PHACTR1: variants seen among roughly 807,000 people sequenced by gnomAD.
The protein encoded by PHACTR1 is RPEL repeat containing 1.
In PHACTR1, 16 loss-of-function variants were observed where a neutral mutation model predicts 69.2. The ratio of observed to expected loss-of-function variants is 0.23; its 90% CI spans 0.16 to 0.35. PHACTR1 has a LOEUF of 0.35. Among genes scored for constraint, PHACTR1 ranks in the 10% least tolerant of loss-of-function variants. The pLI is 1.00. For synonymous variants in PHACTR1, 312 were observed against 284.5 expected (o/e 1.10, Z -0.97); for missense variants, 510 against 734.7 (o/e 0.69, Z 3.54).
intron 5 of PHACTR1, among the ~76,000 whole-genome samples, chr6:13,106,401 G>C (rs1816139822): frequency 6.6e-6 from 1 of 152,166 alleles, no homozygotes; most frequent in African/African-American, 2.4e-5. Context: ...GCTGTTCTTA[G>C]AGGAGAGTTG....
At chr6:12,874,082 C>T (rs762426419) in intron 4 of PHACTR1, among the ~76,000 whole-genome samples, 2 of 152,220 alleles carry the variant, frequency 1.3e-5, no homozygotes, top group Non-Finnish European at 2.9e-5. Context: ...AATGTGCATA[C>T]AAATCACCTA....
At chr6:12,728,025 G>T (rs1449079492) in intron 3 of PHACTR1, among the ~76,000 whole-genome samples, 1 of 151,998 alleles carries the variant, frequency 6.6e-6, no homozygotes, top group African/African-American at 2.4e-5. Flanking sequence ...GAAAAAAAAT[G>T]AGAGGGCCAG....
chr6:13,055,719 G>A (rs1300656482), intron 5 of PHACTR1, among the ~76,000 whole-genome samples: 1 of 152,230 alleles, frequency 6.6e-6, no homozygotes, highest in African/African-American at 2.4e-5. Flanking sequence ...AAAGCCCTGA[G>A]GCTTCTCACA....
chr6:13,140,308 A>G (rs1822237111), intron 5 of PHACTR1, among the ~76,000 whole-genome samples: 1 of 152,024 alleles, frequency 6.6e-6, no homozygotes, highest in African/African-American at 2.4e-5. Flanking sequence ...AATTGAAAAC[A>G]GTATCTCGGA....
intron 4 of PHACTR1, among the ~76,000 whole-genome samples, chr6:12,829,564 G>C (rs1777183361): frequency 6.6e-6 from 1 of 152,144 alleles, no homozygotes; most frequent in Non-Finnish European, 1.5e-5. Context: ...ACAGTAGAAA[G>C]AGTTTAGTAG....
intron 3 of PHACTR1, among the ~76,000 whole-genome samples, chr6:12,723,775 G>A (rs1053933000): frequency 6.6e-6 from 1 of 151,982 alleles, no homozygotes; most frequent in Admixed American, 6.6e-5. Flanking sequence ...GCCACACCTG[G>A]GAGATTTCAC....
intron 4 of PHACTR1, chr6:12,957,240 A>G: frequency 1.9e-6 from 1 of 517,600 alleles, no homozygotes; most frequent in Non-Finnish European, 2.4e-6. Flanking sequence ...CATGTTAAAA[A>G]GCTCAACAAA....
intron 5 of PHACTR1, among the ~76,000 whole-genome samples, chr6:13,133,469 T>C (rs998845677): frequency 6.6e-6 from 1 of 151,346 alleles, no homozygotes; most frequent in African/African-American, 2.4e-5. Context: ...GGTTTTCGTA[T>C]TTTTTTTGGT....
At chr6:12,901,476 A>G (rs1785180664) in intron 4 of PHACTR1, among the ~76,000 whole-genome samples, 1 of 152,140 alleles carries the variant, frequency 6.6e-6, no homozygotes, top group African/African-American at 2.4e-5. Context: ...CAGAGAAAAT[A>G]AAATGGATTT....
chr6:13,270,358 T>C (rs955783430), intron 10 of PHACTR1, among the ~76,000 whole-genome samples: 1 of 152,024 alleles, frequency 6.6e-6, no homozygotes, highest in Non-Finnish European at 1.5e-5. Flanking sequence ...AATCTTGTGG[T>C]TTAAGAGTTT....
chr6:12,747,217 G>A (rs1198061020), intron 3 of PHACTR1, among the ~76,000 whole-genome samples: 3 of 152,196 alleles, frequency 2.0e-5, no homozygotes, highest in Admixed American at 6.5e-5. Flanking sequence ...CCAAATACTA[G>A]TTAAGGGCAT....
intron 4 of PHACTR1, among the ~76,000 whole-genome samples, chr6:12,873,069 G>A (rs1246363426): frequency 1.2e-4 from 18 of 151,464 alleles, no homozygotes; most frequent in Admixed American, 1.2e-3. Flanking sequence ...GGAGTGCAGT[G>A]TGGCACAGTC....
chr6:13,201,288 C>T (rs1765199213), intron 7 of PHACTR1, among the ~76,000 whole-genome samples: 1 of 152,220 alleles, frequency 6.6e-6, no homozygotes, highest in Non-Finnish European at 1.5e-5. Flanking sequence ...AGCGGGTCTT[C>T]ATTTGCCGCT....
intron 4 of PHACTR1, among the ~76,000 whole-genome samples, chr6:12,986,401 A>G (rs982635809): frequency 1.3e-5 from 2 of 152,224 alleles, no homozygotes; most frequent in South Asian, 4.1e-4. Flanking sequence ...GTTCTAACAT[A>G]AAAGATCTGA....
chr6:13,119,907 A>T lies in PHACTR1; in HGVS notation c.416-40297A>T, dbSNP rs997012552. 4.6e-5 allele frequency among the ~76,000 whole-genome samples: 7 copies of T among 152,110 alleles called. No individual in the cohort carries two copies. In the East Asian group the frequency reaches 1.3e-3, roughly 29 times the overall value. ...TGAGTGGTAAGAGCGTGTGCCACAG[A>T]TTTTTCCTTGTATGGAAACATCCAA... On this transcript the variant is annotated intron_variant, in intron 5 of 14. Transcript: ENST00000332995.
At chr6:13,055,961 C>T (rs146533225) in intron 5 of PHACTR1, among the ~76,000 whole-genome samples, 65 of 152,306 alleles carry the variant, frequency 4.3e-4, no homozygotes, top group Middle Eastern at 3.4e-3. Flanking sequence ...GATTGATTAA[C>T]GTGGCAGCTG....
rs1024652351 is a variant in PHACTR1, at chr6:12,990,841, T to C, written c.251-62524T>C. Among the ~76,000 whole-genome samples, 12 of 152,138 alleles carry C rather than the reference T, an allele frequency of 7.9e-5. No individual in the cohort carries two copies. In the East Asian group the frequency reaches 2.3e-3, roughly 29 times the overall value. ...GAGAGGGGATGGTGTAGGATGAAGG[T>C]GATCTTTCCCAGAGACGACCGGGCT... On this transcript the variant is annotated intron_variant, in intron 4 of 14. Transcript: ENST00000332995.
At chr6:12,732,861 C>T (rs575921627) in intron 3 of PHACTR1, among the ~76,000 whole-genome samples, 1 of 152,180 alleles carries the variant, frequency 6.6e-6, no homozygotes, top group East Asian at 1.9e-4. Flanking sequence ...GTCAACCATG[C>T]TTTGCTTTTT....
intron 4 of PHACTR1, among the ~76,000 whole-genome samples, chr6:13,002,596 T>C (rs928282397): frequency 1.3e-5 from 2 of 152,202 alleles, no homozygotes; most frequent in African/African-American, 2.4e-5. Context: ...GATCTATTGG[T>C]TGATCATGTG....
Sources: gnomAD v4.1 joint callset for allele counts (sites outside exome capture counted in the v4.1 genomes callset) on GRCh38, gnomAD v4.1.1 for gene constraint, MANE v1.5 for transcripts, NCBI Gene and HGNC (gene_info 2026-07-23, HGNC 2026-07-21) for gene names.